Variants in EFR3B observed in about 807,000 individuals in gnomAD.
EFR3B encodes EFR3 homolog B, also known as protein EFR3 homolog B.
A neutral mutation model predicts 104.7 loss-of-function variants in EFR3B; 64 were observed. The observed-to-expected ratio is 0.61, with a 90% CI of 0.50 to 0.75. The LOEUF (loss-of-function observed/expected upper bound fraction) is 0.75. Among genes scored for constraint, EFR3B ranks in the 30% least tolerant of loss-of-function variants. The pLI, the probability that EFR3B is intolerant of heterozygous loss-of-function variation, is 0.00. For synonymous variants in EFR3B, 385 were observed against 417.9 expected, an observed-to-expected ratio of 0.92 and a Z score of 0.96; for missense variants, 750 against 1,078.5, an observed-to-expected ratio of 0.70 and a Z score of 4.27.
At chr2:25,092,350 G>A (rs1179492371) in intron 2 of EFR3B, among the ~76,000 whole-genome samples, 1 of 151,084 alleles carries the variant, frequency 6.6e-6, no homozygotes, top group Non-Finnish European at 1.5e-5. Context: ...TTACAGGCGT[G>A]AGCCACCACA....
At chr2:25,119,166 A>C (rs1573216082) in intron 4 of EFR3B, among the ~76,000 whole-genome samples, 1 of 152,224 alleles carries the variant, frequency 6.6e-6, no homozygotes, top group East Asian at 1.9e-4. Context: ...CATAGTATAT[A>C]TTTTTGAAAC....
intron 1 of EFR3B, among the ~76,000 whole-genome samples, chr2:25,089,245 C>T (rs1669045740): frequency 6.6e-6 from 1 of 152,164 alleles, no homozygotes; most frequent in South Asian, 2.1e-4. Flanking sequence ...ACTGACAACC[C>T]CACAGCCCCC....
In EFR3B at chr2:25,060,589, T is replaced by C. The variant is rs201952435; in HGVS notation, c.7+18270T>C. ...AGGGGTGGTCTGAGTTAATGGCAAATGGGCTTTTCACCTTGGAGAGGGGGT... is the reference window on the plus strand; with the variant it reads ...AGGGGTGGTCTGAGTTAATGGCAAACGGGCTTTTCACCTTGGAGAGGGGGT... On this transcript the variant is annotated intron_variant, in intron 1 of 22. Transcript: ENST00000403714. 4.6e-5 allele frequency among the ~76,000 whole-genome samples: 7 copies of C among 152,094 alleles called. No individual in the cohort carries two copies. The East Asian group carries it at 1.4e-3, about 29-fold the overall frequency.
chr2:25,042,438 C>A lies in EFR3B; in HGVS notation c.7+119C>A. ...CGGGGCCAGGCCGCTGACCTGGTGC[C>A]CGGCGGGGCTGTTGCGGTCGCTCTG... is the stretch of plus-strand genomic sequence containing the variant. On this transcript the variant is annotated intron_variant, in intron 1 of 22. Coordinates refer to ENST00000403714, the MANE Select transcript of EFR3B (RefSeq NM_014971.2). This position sits in a 1 kb window ranked among gnomAD's most constrained non-coding sequence, Gnocchi z 5.4. The A allele has an allele frequency of 8.2e-7, 1 of 1,214,636 alleles. No homozygotes were observed. Among genetic ancestry groups the A allele is most frequent in the East Asian group, 3.3e-5 (1 of 30,420 alleles). 75.2% of individuals were successfully genotyped at this position (1,214,636 alleles called of 1,614,324 possible).
chr2:25,080,530 G>A (rs56138115), intron 1 of EFR3B: 104,578 of 477,068 alleles, frequency 0.22, 12,564 homozygotes, highest in South Asian at 0.27. Context: ...CCTGACCTCA[G>A]GTATCTGCCC....
intron 3 of EFR3B, among the ~76,000 whole-genome samples, chr2:25,101,281 G>T (rs566960774): frequency 6.6e-6 from 1 of 152,246 alleles, no homozygotes; most frequent in Admixed American, 6.5e-5. Flanking sequence ...AGGACACAGA[G>T]GGCAGTCATG....
At chr2:25,085,722 C>T (rs1668931338) in intron 1 of EFR3B, among the ~76,000 whole-genome samples, 1 of 151,916 alleles carries the variant, frequency 6.6e-6, no homozygotes, top group African/African-American at 2.4e-5. Context: ...GCCTCAGCCT[C>T]CCAAAGTGCT....
intron 1 of EFR3B, among the ~76,000 whole-genome samples, chr2:25,061,595 G>C (rs560225220): frequency 6.6e-6 from 1 of 151,988 alleles, no homozygotes; most frequent in African/African-American, 2.4e-5. Flanking sequence ...CCAGGTTCAA[G>C]TGATTCTCCT....
intron 6 of EFR3B, among the ~76,000 whole-genome samples, chr2:25,128,953 T>A (rs1231311798): frequency 1.1e-5 from 1 of 88,212 alleles, no homozygotes; most frequent in Non-Finnish European, 2.0e-5. Context: ...GGAGCGAGAC[T>A]CCGTCTCAAA....
At chr2:25,144,419 C>T (rs1670758803) in intron 18 of EFR3B, among the ~76,000 whole-genome samples, 1 of 142,554 alleles carries the variant, frequency 7.0e-6, no homozygotes, top group South Asian at 2.2e-4. Context: ...TGGTGGGTGC[C>T]TGTAGTCCCA....
In EFR3B at chr2:25,131,191, T is replaced by C. The variant is rs1670318619; in HGVS notation, c.850-177T>C. On this transcript the variant is annotated intron_variant, in intron 8 of 22. Coordinates refer to ENST00000403714, the MANE Select transcript of EFR3B (RefSeq NM_014971.2). The surrounding 1 kb of genome is among the most constrained non-coding windows in gnomAD (Gnocchi z 7.6). ...GCCTCCACTGGGATTTGGCTCTTTGTTGGAGGGAGAAGGGAAGGATCCAGT... is the reference window on the plus strand; with the variant it reads ...GCCTCCACTGGGATTTGGCTCTTTGCTGGAGGGAGAAGGGAAGGATCCAGT... Among the ~76,000 whole-genome samples, 1 of 152,240 alleles carries C rather than the reference T, an allele frequency of 6.6e-6. No individual in the cohort carries two copies. The highest frequency in any genetic ancestry group is 2.4e-5 in the African/African-American group (1 of 41,464).
chr2:25,141,792 T>C (rs1473593331), intron 17 of EFR3B, among the ~76,000 whole-genome samples: 1 of 152,236 alleles, frequency 6.6e-6, no homozygotes, highest in African/African-American at 2.4e-5. Context: ...CAGTGTCATT[T>C]CAACATCAGA....
rs1669482448 is a variant in EFR3B, at chr2:25,103,618, C to T, written c.213-19C>T. The T allele has an allele frequency of 5.2e-6, 8 of 1,540,796 alleles. No homozygotes were observed. Among genetic ancestry groups the T allele is most frequent in the Non-Finnish European group, 6.1e-6 (7 of 1,139,162 alleles). On this transcript the variant is annotated intron_variant, in intron 3 of 22. Transcript: ENST00000403714. ...GTGGCAGGGGCGCGGCCAGTGACGG[C>T]ATGTGCTGCCCTCCCCAGGTACGTG...
intron 1 of EFR3B, among the ~76,000 whole-genome samples, chr2:25,073,553 C>T (rs1009723426): frequency 1.7e-4 from 26 of 151,944 alleles, no homozygotes; most frequent in African/African-American, 5.3e-4. Flanking sequence ...AGAGGAGTTT[C>T]GCCATGTTTC....
Position 25,103,734 on chromosome 2 carries a change from G to A in EFR3B, c.310G>A (p.Ala104Thr), listed in dbSNP as rs1273887421. The change falls in exon 4 of 23, where the codon GCC (alanine) becomes ACC (threonine). Residue 104 changes from alanine (A) to threonine (T), a missense_variant. Coordinates refer to ENST00000403714, the MANE Select transcript of EFR3B (RefSeq NM_014971.2). ...CGTGGAGAGCTTCCTCAAGATGGTG[G>A]CCAAGCTGCTGGAGTCAGAGAAACC... Reference protein sequence around the residue: ...LFVESFLKMVAKLLESEKPNL... With the variant: ...LFVESFLKMVTKLLESEKPNL... 6.4e-7 allele frequency: 1 copy of A among 1,551,750 alleles called. No homozygotes were observed. Among genetic ancestry groups the A allele is most frequent in the Non-Finnish European group, 8.7e-7 (1 of 1,146,990 alleles).
intron 1 of EFR3B, chr2:25,079,821 A>AAAC (rs1668739864): frequency 1.3e-6 from 1 of 776,026 alleles, no homozygotes; most frequent in Non-Finnish European, 2.3e-6. Context: ...CACACACCAA[A>AAAC]AAGAACAATA....
At chr2:25,050,166 A>G (rs1008631869) in intron 1 of EFR3B, among the ~76,000 whole-genome samples, 2 of 151,838 alleles carry the variant, frequency 1.3e-5, no homozygotes, top group African/African-American at 4.8e-5. Context: ...TAATGTCAAG[A>G]TAAGGAGTTT....
intron 1 of EFR3B, among the ~76,000 whole-genome samples, chr2:25,068,270 A>T (rs1668391642): frequency 6.6e-6 from 1 of 151,926 alleles, no homozygotes; most frequent in Admixed American, 6.6e-5. Context: ...GTCGTGTCCT[A>T]CTCTGATCTC....
At position 25,154,524 on chromosome 2, in the gene EFR3B, G is replaced by C; in HGVS notation, c.*184G>C. 1 of 580,272 alleles carries C rather than the reference G, an allele frequency of 1.7e-6. No individual in the cohort carries two copies. Among genetic ancestry groups the C allele is most frequent in the South Asian group, 2.2e-5 (1 of 44,666 alleles). The allele number at this position is 580,272 out of a possible 1,614,324, so 35.9% of individuals were successfully genotyped here. A position where few individuals can be genotyped will look rare whatever the true frequency, so the allele number is the denominator to read the frequency against. On this transcript the variant is annotated 3_prime_UTR_variant, in exon 23 of 23. Coordinates refer to ENST00000403714, the MANE Select transcript of EFR3B (RefSeq NM_014971.2). This position sits in a 1 kb window ranked among gnomAD's most constrained non-coding sequence, Gnocchi z 4.1. ...TTCTTGGCCCTCCTACCTCCTCCTCGTCTTCCCTGAGGGAGGTCTCACCAA... is the reference window on the plus strand; with the variant it reads ...TTCTTGGCCCTCCTACCTCCTCCTCCTCTTCCCTGAGGGAGGTCTCACCAA...
Sources: gnomAD v4.1 joint callset for allele counts (sites outside exome capture counted in the v4.1 genomes callset) on GRCh38, gnomAD v4.1.1 for gene constraint, Gnocchi (gnomAD v3.1) non-coding constraint, MANE v1.5 for transcripts, NCBI Gene and HGNC (gene_info 2026-07-23, HGNC 2026-07-21) for gene names.